GREM2: variants seen among roughly 807,000 people sequenced by gnomAD.
GREM2 encodes gremlin-2.
GREM2 carries 11 observed loss-of-function variants against 14.2 expected under a neutral mutation model. The observed-to-expected ratio is 0.78, with a 90% CI of 0.49 to 1.28. GREM2 has a LOEUF of 1.28. GREM2 is among the 50% of genes most tolerant of loss of function. GREM2 has a pLI of 0.00. For synonymous variants in GREM2, 98 were observed against 97.6 expected (o/e 1.00, Z -0.02); for missense variants, 210 against 218.5 (o/e 0.96, Z 0.24).
chr1:240,562,836 G>C (rs1412111637), intron 1 of GREM2, among the ~76,000 whole-genome samples: 1 of 150,486 alleles, frequency 6.6e-6, no homozygotes, highest in Non-Finnish European at 1.5e-5. Flanking sequence ...GTGAGTGTGT[G>C]TATATGAGTG....
At chr1:240,526,125 A>G (rs1451859109) in intron 1 of GREM2, among the ~76,000 whole-genome samples, 2 of 152,066 alleles carry the variant, frequency 1.3e-5, no homozygotes, top group African/African-American at 2.4e-5. Context: ...TAACTGAATC[A>G]TATCTACAAA....
chr1:240,503,410 A>G (rs996558971), intron 1 of GREM2, among the ~76,000 whole-genome samples: 1 of 151,726 alleles, frequency 6.6e-6, no homozygotes, highest in African/African-American at 2.4e-5. Context: ...TCAGATTCAC[A>G]CTCTCAGATC....
At chr1:240,510,365 G>A (rs61832590) in intron 1 of GREM2, among the ~76,000 whole-genome samples, 27,737 of 85,980 alleles carry the variant, frequency 0.32, 3,555 homozygotes, top group Middle Eastern at 0.54. Flanking sequence ...GCGAGACTCC[G>A]TCGCAAAAAA....
At chr1:240,565,368 T>C (rs1266325041) in intron 1 of GREM2, among the ~76,000 whole-genome samples, 3 of 152,190 alleles carry the variant, frequency 2.0e-5, no homozygotes, top group Admixed American at 1.3e-4. Flanking sequence ...AATTTGACTG[T>C]AACATTTTAT....
At chr1:240,541,430 C>T (rs966283474) in intron 1 of GREM2, among the ~76,000 whole-genome samples, 5 of 152,202 alleles carry the variant, frequency 3.3e-5, no homozygotes, top group African/African-American at 7.2e-5. Context: ...TTCTCCAGTG[C>T]CTGCTGACTA....
chr1:240,602,167 C>T (rs1032952391), intron 1 of GREM2, among the ~76,000 whole-genome samples: 4 of 152,060 alleles, frequency 2.6e-5, no homozygotes, highest in Non-Finnish European at 5.9e-5. Flanking sequence ...CAGAGCTTGC[C>T]CAGGCCCCTA....
intron 1 of GREM2, among the ~76,000 whole-genome samples, chr1:240,529,437 GACC>G (rs1360759232): frequency 6.6e-6 from 1 of 152,002 alleles, no homozygotes; most frequent in Non-Finnish European, 1.5e-5. Context: ...TCATTCTCAT[GACC>G]CCAGCTAAAG....
intron 1 of GREM2, among the ~76,000 whole-genome samples, chr1:240,541,750 T>G (rs143564113): frequency 4.7e-4 from 72 of 152,240 alleles, no homozygotes; most frequent in African/African-American, 1.6e-3. Flanking sequence ...ATTGAAGAAC[T>G]GATGCAATGT....
intron 1 of GREM2, among the ~76,000 whole-genome samples, chr1:240,605,894 A>G (rs745738577): frequency 2.4e-4 from 36 of 152,240 alleles, no homozygotes; most frequent in Non-Finnish European, 3.8e-4. Flanking sequence ...TTTAATGTCT[A>G]AGTCGTAAAT....
At chr1:240,547,528 T>TAGATAG (rs1262049155) in intron 1 of GREM2, among the ~76,000 whole-genome samples, 24 of 113,220 alleles carry the variant, frequency 2.1e-4, no homozygotes, top group East Asian at 1.6e-3. Flanking sequence ...TATATATATA[T>TAGATAG]ATATATAGAT....
In GREM2 at chr1:240,493,288, G is replaced by C. The variant is rs1677310369; in HGVS notation, c.188C>G (p.Thr63Ser). Residue 63 changes from threonine to serine, a missense_variant, in exon 2 of 2, where the codon ACC becomes AGC. Physicochemically the swap from Thr to Ser is moderately conservative, Grantham distance 58. Transcript: ENST00000318160. The stretch of plus-strand genomic sequence containing the variant: ...GTCACTCTTGAGGTACTTGCGCTCG[G>C]TGACCACCAGGGCCTCCTGGCTGGA... ...LASSQEALVVTERKYLKSDWC... is the reference protein window; with the variant it reads ...LASSQEALVVSERKYLKSDWC... The C allele has an allele frequency of 6.2e-7, 1 of 1,613,850 alleles. No homozygotes were observed.
chr1:240,610,457 G>A (rs530666678), intron 1 of GREM2, among the ~76,000 whole-genome samples: 54 of 152,302 alleles, frequency 3.5e-4, no homozygotes, highest in African/African-American at 1.3e-3. Context: ...GTAGAGCTAA[G>A]CATGCATTTC....
At chr1:240,546,294 G>A (rs932889794) in intron 1 of GREM2, among the ~76,000 whole-genome samples, 3 of 151,668 alleles carry the variant, frequency 2.0e-5, no homozygotes, top group Admixed American at 1.3e-4. Context: ...AGCCAAGATC[G>A]CGCTACTGCA....
At chr1:240,564,832 A>G (rs1010113892) in intron 1 of GREM2, among the ~76,000 whole-genome samples, 2 of 152,132 alleles carry the variant, frequency 1.3e-5, no homozygotes, top group Non-Finnish European at 2.9e-5. Context: ...GGCCATAGAC[A>G]TATTTTGTAC....
chr1:240,534,586 G>A (rs189181020), intron 1 of GREM2, among the ~76,000 whole-genome samples: 172 of 152,116 alleles, frequency 1.1e-3, no homozygotes, highest in African/African-American at 3.8e-3. Context: ...CAGCTACTCC[G>A]GGAGGCTGAG....
At chr1:240,552,021 A>G (rs1489420517) in intron 1 of GREM2, among the ~76,000 whole-genome samples, 1 of 150,398 alleles carries the variant, frequency 6.6e-6, no homozygotes, top group Non-Finnish European at 1.5e-5. Flanking sequence ...CCATTGAACC[A>G]CAGTGTCTCT....
chr1:240,608,118 C>T (rs556520880), intron 1 of GREM2, among the ~76,000 whole-genome samples: 1 of 152,146 alleles, frequency 6.6e-6, no homozygotes, highest in African/African-American at 2.4e-5. Context: ...TCAGATGTTA[C>T]GGTTACAAGA....
chr1:240,499,750 A>T (rs940187039), intron 1 of GREM2, among the ~76,000 whole-genome samples: 3 of 152,220 alleles, frequency 2.0e-5, no homozygotes, highest in Admixed American at 1.3e-4. Context: ...ACTATGGCCC[A>T]CAGGCCAAAC....
At chr1:240,538,430 G>C (rs115652434) in intron 1 of GREM2, among the ~76,000 whole-genome samples, 163 of 152,172 alleles carry the variant, frequency 1.1e-3, no homozygotes, top group African/African-American at 3.3e-3. Context: ...GGCCAGGTGC[G>C]ATGGCTCACG....
Sources: gnomAD v4.1 joint callset for allele counts (sites outside exome capture counted in the v4.1 genomes callset) on GRCh38, gnomAD v4.1.1 for gene constraint, MANE v1.5 for transcripts, NCBI Gene and HGNC (gene_info 2026-07-23, HGNC 2026-07-21) for gene names.